SCARB2: variants seen among roughly 807,000 people sequenced by gnomAD.
SCARB2 encodes lysosome membrane protein 2.
SCARB2 carries 29 observed loss-of-function variants against 58.6 expected under a neutral mutation model. The ratio of observed to expected loss-of-function variants is 0.49; its 90% CI spans 0.37 to 0.67. The LOEUF is 0.67. Among genes scored for constraint, SCARB2 ranks in the 30% least tolerant of loss-of-function variants. The pLI, the probability that SCARB2 is intolerant of heterozygous loss-of-function variation, is 0.00. For synonymous variants in SCARB2, 195 were observed against 210.1 expected (o/e 0.93, Z 0.62); for missense variants, 488 against 578.5 (o/e 0.84, Z 1.60).
rs1477651224 is a variant in SCARB2, at chr4:76,213,587, G to C, written c.-44C>G. On this transcript the variant is annotated 5_prime_UTR_variant, in exon 1 of 12. The change creates a new upstream start codon in the 5' untranslated region. Transcript: ENST00000264896. The stretch of plus-strand genomic sequence containing the variant: ...GCCGGGCCGGGCCGCACCCGCCAGG[G>C]ATCCAACTGCAAGGAGGGAGGAGCC... The C allele has an allele frequency of 3.9e-6, 6 of 1,530,430 alleles. No homozygotes were observed. 94.8% of individuals were successfully genotyped at this position (1,530,430 alleles called of 1,614,324 possible). A position where few individuals can be genotyped will look rare whatever the true frequency, so the allele number is the denominator to read the frequency against.
intron 11 of SCARB2, chr4:76,162,229 A>G (rs762012424): frequency 1.8e-5 from 3 of 168,454 alleles, no homozygotes; most frequent in Admixed American, 1.1e-4. Context: ...TAGAAATGGC[A>G]AAATAGTTTG....
At position 76,201,278 on chromosome 4, in the gene SCARB2, T is replaced by C. The variant is rs749813159; in HGVS notation, c.118-5414A>G. ...GAAGTGCCATCTCTCAGAAGGCCCCTCTGAACTATGTGTTTTCTCTCTGCT... is the reference window on the plus strand; with the variant it reads ...GAAGTGCCATCTCTCAGAAGGCCCCCCTGAACTATGTGTTTTCTCTCTGCT... On this transcript the variant is annotated intron_variant, in intron 1 of 11. Transcript: ENST00000264896. Among the ~76,000 whole-genome samples the C allele has an allele frequency of 3.3e-5, 5 of 152,188 alleles. No individual in the cohort carries two copies. In the South Asian group the frequency reaches 1.0e-3, roughly 31 times the overall value.
Position 76,181,016 on chromosome 4 carries a change from G to A in SCARB2, c.361C>T (p.Arg121Ter), listed in dbSNP as rs200053119. The part of the protein sequence containing the change: ...AVSNKAYVFE[R>*]DQSVGDPKID... ...TTAGGGTCTCCAACAGATTGGTCTCGTTCAAAAACATAGGCCTTGTTGCTA... is the reference window on the plus strand; with the variant it reads ...TTAGGGTCTCCAACAGATTGGTCTCATTCAAAAACATAGGCCTTGTTGCTA... The change falls in exon 3 of 12, where the codon CGA becomes TGA. Residue 121 changes from arginine to a stop codon, truncating the protein, a stop_gained. Transcript: ENST00000264896. LOFTEE classifies it high-confidence loss of function. 9.3e-6 allele frequency: 15 copies of A among 1,613,388 alleles called. No individual in the cohort carries two copies. The highest frequency in any genetic ancestry group is 2.7e-5 in the African/African-American group (2 of 74,844).
chr4:76,174,343 G>A (rs765987570), intron 6 of SCARB2, 30 bp from the exon 7 acceptor site: 2 of 1,608,388 alleles, frequency 1.2e-6, no homozygotes, highest in East Asian at 4.5e-5. Flanking sequence ...AAAAGTGAAT[G>A]TGGACTCTGG....
intron 2 of SCARB2, chr4:76,193,467 T>C (rs964165655): frequency 1.3e-5 from 2 of 152,282 alleles, no homozygotes; most frequent in African/African-American, 4.8e-5. Context: ...AGAGCCACCA[T>C]CAGCTTGCAA....
At chr4:76,188,469 T>TGTA (rs1387164569) in intron 2 of SCARB2, among the ~76,000 whole-genome samples, 3 of 151,604 alleles carry the variant, frequency 2.0e-5, no homozygotes, top group African/African-American at 7.3e-5. Flanking sequence ...AATGTGCCAC[T>TGTA]GTAAATCCTG....
chr4:76,172,096 TTAA>T (rs1293786825), intron 7 of SCARB2, among the ~76,000 whole-genome samples: 1 of 148,632 alleles, frequency 6.7e-6, no homozygotes, highest in Non-Finnish European at 1.5e-5. Context: ...ATAAAATTTG[TTAA>T]TATACTCATA....
chr4:76,214,193 G>A, upstream of SCARB2: 7 of 454,046 alleles, frequency 1.5e-5, no homozygotes, highest in South Asian at 1.1e-4. Context: ...TGCTCTAGAG[G>A]CGCTCGCAAG....
At chr4:76,212,306 G>A (rs980820711) in intron 1 of SCARB2, among the ~76,000 whole-genome samples, 4 of 152,186 alleles carry the variant, frequency 2.6e-5, no homozygotes, top group Non-Finnish European at 5.9e-5. Flanking sequence ...TTGGCAATGT[G>A]AACTTTAAAA....
At position 76,161,692 on chromosome 4, in the gene SCARB2, T is replaced by C. The variant is rs1731901451; in HGVS notation, c.*21A>G. 1.2e-6 allele frequency: 2 copies of C among 1,613,830 alleles called. No individual in the cohort carries two copies. The highest frequency in any genetic ancestry group is 2.2e-5 in the East Asian group (1 of 44,884). On this transcript the variant is annotated 3_prime_UTR_variant, in exon 12 of 12. Transcript: ENST00000264896. ...AGGTCAGGACAGCTCACACAGTTTC[T>C]TCACCAAGCAAAGGCAATGTTTAGG...
At chr4:76,177,339 T>TAAAAAAAAAAAA (rs1208141818) in intron 4 of SCARB2, among the ~76,000 whole-genome samples, 2 of 137,170 alleles carry the variant, frequency 1.5e-5, no homozygotes. Context: ...GGAGGGCAAT[T>TAAAAAAAAAAAA]AAAAAAAAAA....
rs764409601 is a variant in SCARB2, at chr4:76,159,316, CA to C, written c.*2396del. On this transcript the variant is annotated 3_prime_UTR_variant, in exon 12 of 12. Coordinates refer to ENST00000264896, the MANE Select transcript of SCARB2 (RefSeq NM_005506.4). ...AAATAATTCATCTTCAACTTAAAGCCAAATAGGTGCATTCATTCCTCTTAAT... is the reference window on the plus strand; with the variant it reads ...AAATAATTCATCTTCAACTTAAAGCCAATAGGTGCATTCATTCCTCTTAAT... 4 of 152,206 alleles carry C rather than the reference CA, an allele frequency of 2.6e-5. No individual in the cohort carries two copies. The highest frequency in any genetic ancestry group is 5.9e-5 in the Non-Finnish European group (4 of 68,044). 9.4% of individuals were successfully genotyped at this position (152,206 alleles called of 1,614,324 possible). A position where few individuals can be genotyped will look rare whatever the true frequency, so the allele number is the denominator to read the frequency against.
chr4:76,197,862 C>A (rs1006685066), intron 1 of SCARB2, among the ~76,000 whole-genome samples: 1 of 151,814 alleles, frequency 6.6e-6, no homozygotes, highest in Non-Finnish European at 1.5e-5. Context: ...AAATAAATTA[C>A]TTCTGTAAGC....
chr4:76,166,553 C>T, intron 9 of SCARB2: 2 of 563,072 alleles, frequency 3.6e-6, no homozygotes, highest in Non-Finnish European at 6.4e-6. Flanking sequence ...GATGACTAGT[C>T]TCCTTAGAGT....
At chr4:76,210,271 C>T (rs537960060) in intron 1 of SCARB2, among the ~76,000 whole-genome samples, 13 of 152,272 alleles carry the variant, frequency 8.5e-5, no homozygotes, top group African/African-American at 2.9e-4. Context: ...GATTAAATAA[C>T]TTGCCACTGT....
chr4:76,169,283 T>C (rs1243891012), intron 8 of SCARB2, among the ~76,000 whole-genome samples: 1 of 151,734 alleles, frequency 6.6e-6, no homozygotes, highest in African/African-American at 2.4e-5. Context: ...TTTTTGTTTT[T>C]CTCGTCTATG....
At chr4:76,168,869 G>C (rs565668124) in intron 8 of SCARB2, among the ~76,000 whole-genome samples, 1 of 152,248 alleles carries the variant, frequency 6.6e-6, no homozygotes, top group Non-Finnish European at 1.5e-5. Context: ...CAGTTGTCCA[G>C]AGAGCTAAGA....
At chr4:76,172,551 C>A (rs1732154079) in intron 7 of SCARB2, 1 of 152,136 alleles carries the variant, frequency 6.6e-6, no homozygotes, top group South Asian at 2.1e-4. Flanking sequence ...CCATGCCTCA[C>A]CAATATATTT....
rs1481115543 is a variant in SCARB2, at chr4:76,213,463, C to G, written c.81G>C (p.Arg27=). ...TCTGGTCTACAGCCTTCTGGAAGAC[C>G]CGGGCCACCAGCAGCGTGACGCTGG... ...LVTSVTLLVA[R]VFQKAVDQSI... The change falls in exon 1 of 12, where the codon CGG becomes CGC. Residue 27 remains arginine (R), a synonymous_variant. Transcript: ENST00000264896. The G allele has an allele frequency of 6.2e-7, 1 of 1,610,654 alleles. No individual in the cohort carries two copies. Among genetic ancestry groups the G allele is most frequent in the Non-Finnish European group, 8.5e-7 (1 of 1,178,498 alleles).
Sources: allele counts gnomAD v4.1 joint callset (sites outside exome capture counted in the v4.1 genomes callset), GRCh38; gene constraint gnomAD v4.1.1; transcripts MANE v1.5; gene names NCBI Gene and HGNC (gene_info 2026-07-23, HGNC 2026-07-21).